The following TTLL11 variants were observed in gnomAD, a reference collection of about 807,000 sequenced individuals.
The protein encoded by TTLL11 is tubulin tyrosine ligase like 11.
In TTLL11, 42 loss-of-function variants were observed where a neutral mutation model predicts 51.7. That is an observed-to-expected ratio of 0.81 (90% CI 0.64 to 1.05). The LOEUF is 1.05. Among genes scored for constraint, TTLL11 ranks in the 50% least tolerant of loss-of-function variants. The probability of loss-of-function intolerance (pLI) is 0.00; values close to 1 mark genes in which losing one functional copy is unlikely to be tolerated. For synonymous variants in TTLL11, 381 were observed against 383.5 expected (o/e 0.99, Z 0.08); for missense variants, 799 against 940.4 (o/e 0.85, Z 1.97).
At chr9:121,952,642 T>C (rs1417782390) in intron 6 of TTLL11, among the ~76,000 whole-genome samples, 1 of 152,090 alleles carries the variant, frequency 6.6e-6, no homozygotes, top group East Asian at 1.9e-4. Flanking sequence ...ACACACTCTG[T>C]TCCCCTGGGG....
At chr9:121,876,112 C>G (rs1291683058) in intron 6 of TTLL11, among the ~76,000 whole-genome samples, 1 of 152,214 alleles carries the variant, frequency 6.6e-6, no homozygotes, top group East Asian at 1.9e-4. Context: ...TGAATACTTT[C>G]CCAAGCTCAC....
chr9:121,853,010 A>G lies in TTLL11; in HGVS notation c.1840+7327T>C, dbSNP rs888503526. ...AGACTGCGCTCAACATTCCAAATGA[A>G]AATACTCTTCAATATTTCAGTGCAT... On this transcript the variant is annotated intron_variant, in intron 8 of 8. Transcript: ENST00000321582. This position sits in a 1 kb window ranked among gnomAD's most constrained non-coding sequence, Gnocchi z 5.6. Among the ~76,000 whole-genome samples the G allele has an allele frequency of 1.3e-5, 2 of 152,220 alleles. No individual in the cohort carries two copies. The highest frequency in any genetic ancestry group is 4.8e-5 in the African/African-American group (2 of 41,456).
intron 1 of TTLL11, among the ~76,000 whole-genome samples, chr9:122,088,303 C>T (rs979238447): frequency 1.1e-4 from 16 of 152,306 alleles, no homozygotes; most frequent in African/African-American, 3.8e-4. Context: ...AATCACTCAC[C>T]TCCCAGACCA....
chr9:121,883,843 A>T (rs531630985), intron 6 of TTLL11, among the ~76,000 whole-genome samples: 7 of 152,306 alleles, frequency 4.6e-5, no homozygotes, highest in Admixed American at 3.9e-4. Context: ...AGGTTAAGGC[A>T]GGCAGCAGAG....
chr9:122,077,269 G>A (rs192231895), intron 1 of TTLL11, among the ~76,000 whole-genome samples: 39 of 152,144 alleles, frequency 2.6e-4, no homozygotes, highest in African/African-American at 7.0e-4. Context: ...TACCAATAAC[G>A]CCTAATTTGT....
chr9:121,888,804 A>C (rs1022703537), intron 6 of TTLL11, among the ~76,000 whole-genome samples: 1 of 152,262 alleles, frequency 6.6e-6, no homozygotes, highest in Non-Finnish European at 1.5e-5. Flanking sequence ...ACACAGTAAC[A>C]GCCGCTATGG....
rs1017747525 is a variant in TTLL11 at position 122,011,464 on chromosome 9, G to A, written c.693+20259C>T. Among the ~76,000 whole-genome samples the A allele has an allele frequency of 9.2e-5, 14 of 152,200 alleles. No individual in the cohort carries two copies. In the East Asian group the frequency reaches 2.7e-3, roughly 29 times the overall value. On this transcript the variant is annotated intron_variant, in intron 3 of 8. Coordinates refer to ENST00000321582, the MANE Select transcript of TTLL11 (RefSeq NM_001139442.2). ...GCATGTGATGTATGCCCCATAACTA[G>A]TGTGTGTTTTTAAATAACCCTAGTC...
intron 4 of TTLL11, among the ~76,000 whole-genome samples, chr9:121,985,880 C>CA (rs1842929088): frequency 6.6e-6 from 1 of 152,144 alleles, no homozygotes; most frequent in South Asian, 2.1e-4. Context: ...AGACAAATTC[C>CA]AAATATCTAA....
chr9:121,990,558 G>A (rs1475370548), intron 3 of TTLL11, among the ~76,000 whole-genome samples: 3 of 152,174 alleles, frequency 2.0e-5, no homozygotes. Context: ...ATCCTACCAT[G>A]TCTTGGTTTC....
intron 4 of TTLL11, among the ~76,000 whole-genome samples, chr9:121,982,869 G>A (rs1842856602): frequency 6.6e-6 from 1 of 152,192 alleles, no homozygotes; most frequent in Admixed American, 6.5e-5. Context: ...AGATAGACAA[G>A]GGGCAGATGG....
intron 3 of TTLL11, among the ~76,000 whole-genome samples, chr9:122,000,201 G>T (rs1843416706): frequency 6.6e-6 from 1 of 152,154 alleles, no homozygotes. Flanking sequence ...GCTGGGTGCA[G>T]TGGCTCACGC....
At chr9:121,897,907 C>A (rs1839602439) in intron 6 of TTLL11, among the ~76,000 whole-genome samples, 1 of 150,592 alleles carries the variant, frequency 6.6e-6, no homozygotes, top group South Asian at 2.1e-4. Flanking sequence ...CTTCCCTTCC[C>A]TCTCTTTCTT....
At chr9:121,912,729 T>C (rs191110665) in intron 6 of TTLL11, among the ~76,000 whole-genome samples, 6 of 152,222 alleles carry the variant, frequency 3.9e-5, no homozygotes, top group Admixed American at 2.0e-4. Context: ...GGGCAGATAT[T>C]CAACACATAC....
intron 4 of TTLL11, among the ~76,000 whole-genome samples, chr9:121,979,349 G>C (rs544964339): frequency 6.6e-6 from 1 of 152,330 alleles, no homozygotes; most frequent in East Asian, 1.9e-4. Context: ...GCCAGAAGCA[G>C]TCAGTTAAGC....
At position 121,816,128 on chromosome 9, in the gene TTLL11, A is replaced by G. The variant is rs1157896363; in HGVS notation, c.*6459T>C. The stretch of plus-strand genomic sequence containing the variant: ...GAGGTAAAGTCACTGGCCCGTGGTC[A>G]TTTAGGCAGAGCGCAACAGATAGAA... On this transcript the variant is annotated 3_prime_UTR_variant, in exon 9 of 9. Transcript: ENST00000321582. 1 of 152,190 alleles carries G rather than the reference A, an allele frequency of 6.6e-6. No individual in the cohort carries two copies. The highest frequency in any genetic ancestry group is 1.5e-5 in the Non-Finnish European group (1 of 68,040). 9.4% of individuals were successfully genotyped at this position (152,190 alleles called of 1,614,324 possible).
At chr9:121,845,183 T>C (rs1466953079) in intron 8 of TTLL11, among the ~76,000 whole-genome samples, 1 of 152,156 alleles carries the variant, frequency 6.6e-6, no homozygotes, top group Admixed American at 6.5e-5. Context: ...AAGGTATATA[T>C]AATGCCTTAA....
At chr9:122,074,356 C>T (rs1845807246) in intron 1 of TTLL11, among the ~76,000 whole-genome samples, 1 of 151,136 alleles carries the variant, frequency 6.6e-6, no homozygotes, top group South Asian at 2.1e-4. Context: ...AATATTTTTA[C>T]AATTATAAGC....
chr9:121,924,119 A>C lies in TTLL11; in HGVS notation c.1481+49890T>G, dbSNP rs144138148. On this transcript the variant is annotated intron_variant, in intron 6 of 8. Coordinates refer to ENST00000321582, the MANE Select transcript of TTLL11 (RefSeq NM_001139442.2). ...ACCTCTTTTTCTTTATAAATTACCCAGTCTCAGGTATGTCTTTATCAGCAG... is the reference window on the plus strand; with the variant it reads ...ACCTCTTTTTCTTTATAAATTACCCCGTCTCAGGTATGTCTTTATCAGCAG... Among the ~76,000 whole-genome samples, 390 of 152,278 alleles carry C rather than the reference A, an allele frequency of 2.6e-3. 3 individuals carry two copies. The highest frequency in any genetic ancestry group is 8.9e-3 in the African/African-American group (369 of 41,548).
intron 6 of TTLL11, among the ~76,000 whole-genome samples, chr9:121,938,310 A>G (rs1841309741): frequency 6.7e-6 from 1 of 150,228 alleles, no homozygotes; most frequent in South Asian, 2.1e-4. Context: ...AAAAAAAATC[A>G]GGAATATGAC....
Sources: gnomAD v4.1 joint callset for allele counts (sites outside exome capture counted in the v4.1 genomes callset) on GRCh38, gnomAD v4.1.1 for gene constraint, Gnocchi (gnomAD v3.1) non-coding constraint, MANE v1.5 for transcripts, NCBI Gene and HGNC (gene_info 2026-07-23, HGNC 2026-07-21) for gene names.